The following NAALADL2 variants were observed in gnomAD, a reference collection of about 807,000 sequenced individuals.
NAALADL2 encodes N-acetylated alpha-linked acidic dipeptidase like 2.
A neutral mutation model predicts 87.2 loss-of-function variants in NAALADL2; 76 were observed. The ratio of observed to expected loss-of-function variants is 0.87; its 90% CI spans 0.72 to 1.05. NAALADL2 has a LOEUF of 1.05. Among genes scored for constraint, NAALADL2 ranks in the 50% least tolerant of loss-of-function variants. The probability of loss-of-function intolerance (pLI) is 0.00; values close to 1 mark genes in which losing one functional copy is unlikely to be tolerated. For missense variants in NAALADL2, 1,089 were observed against 945.8 expected (o/e 1.15, Z -1.99); for synonymous variants, 354 against 331.0 (o/e 1.07, Z -0.75).
chr3:175,572,738 A>T (rs1245383800), intron 9 of NAALADL2, among the ~76,000 whole-genome samples: 1 of 152,214 alleles, frequency 6.6e-6, no homozygotes, highest in African/African-American at 2.4e-5. Context: ...CTGAGGCTAA[A>T]CCAGAACTGT....
chr3:175,764,286 G>A (rs1194088896), intron 13 of NAALADL2, among the ~76,000 whole-genome samples: 1 of 151,966 alleles, frequency 6.6e-6, no homozygotes, highest in Non-Finnish European at 1.5e-5. Context: ...ACACTTATAT[G>A]ATTGTTTCTT....
chr3:175,114,332 A>G (rs920514830), intron 2 of NAALADL2, among the ~76,000 whole-genome samples: 2 of 151,630 alleles, frequency 1.3e-5, no homozygotes, highest in East Asian at 3.9e-4. Flanking sequence ...ACTCTAATAA[A>G]TCAAACCCAA....
At chr3:175,461,170 T>C (rs1723072655) in intron 6 of NAALADL2, among the ~76,000 whole-genome samples, 1 of 152,046 alleles carries the variant, frequency 6.6e-6, no homozygotes, top group Non-Finnish European at 1.5e-5. Flanking sequence ...GATTGGTGCG[T>C]TTTTCCAGAG....
intron 10 of NAALADL2, among the ~76,000 whole-genome samples, chr3:175,624,829 T>C (rs902175139): frequency 6.6e-6 from 1 of 152,010 alleles, no homozygotes; most frequent in African/African-American, 2.4e-5. Flanking sequence ...ATTTTTAAGA[T>C]TGGCATTATA....
intron 2 of NAALADL2, among the ~76,000 whole-genome samples, chr3:175,137,607 CTTTT>C (rs66682761): frequency 1.3e-4 from 17 of 134,410 alleles, no homozygotes; most frequent in Admixed American, 1.5e-4. Flanking sequence ...GAGATTGACC[CTTTT>C]TTTTTTTTTT....
chr3:174,896,570 AT>A (rs1387011660), intron 1 of NAALADL2, among the ~76,000 whole-genome samples: 5 of 152,182 alleles, frequency 3.3e-5, no homozygotes, highest in Non-Finnish European at 7.4e-5. Context: ...AAGAATCAAT[AT>A]TGTTAAAGTG....
At chr3:175,571,137 T>G (rs546844808) in intron 9 of NAALADL2, among the ~76,000 whole-genome samples, 1 of 152,310 alleles carries the variant, frequency 6.6e-6, no homozygotes, top group Non-Finnish European at 1.5e-5. Flanking sequence ...AATGCAAGTA[T>G]TGACTTAATT....
chr3:175,499,720 T>G (rs1729286068), intron 9 of NAALADL2, among the ~76,000 whole-genome samples: 3 of 152,120 alleles, frequency 2.0e-5, no homozygotes, highest in Non-Finnish European at 4.4e-5. Context: ...TTTTGCCAAT[T>G]TCATCAGTTA....
At chr3:175,526,035 A>G (rs1733368520) in intron 9 of NAALADL2, among the ~76,000 whole-genome samples, 4 of 152,186 alleles carry the variant, frequency 2.6e-5, no homozygotes. Context: ...ATGCCTGGAG[A>G]CTTTAAAAAG....
intron 3 of NAALADL2, among the ~76,000 whole-genome samples, chr3:174,842,835 C>T (rs1024512623): frequency 2.0e-5 from 3 of 151,974 alleles, no homozygotes; most frequent in Admixed American, 1.3e-4. Context: ...CATATAGCTC[C>T]TTGGCTTATT....
intron 4 of NAALADL2, among the ~76,000 whole-genome samples, chr3:175,277,493 T>C (rs1293525746): frequency 2.0e-5 from 3 of 152,182 alleles, no homozygotes; most frequent in Non-Finnish European, 2.9e-5. Context: ...GACCAATCTA[T>C]TAATGTAGTT....
chr3:175,033,625 T>A (rs1484861906), intron 1 of NAALADL2, among the ~76,000 whole-genome samples: 85 of 152,192 alleles, frequency 5.6e-4, no homozygotes, highest in Non-Finnish European at 2.9e-5. Context: ...ACACAGGTGG[T>A]CTCTCCTTTT....
chr3:175,403,977 C>T (rs1342742850), intron 5 of NAALADL2, among the ~76,000 whole-genome samples: 1 of 151,960 alleles, frequency 6.6e-6, no homozygotes, highest in Non-Finnish European at 1.5e-5. Context: ...GAGAAAAGAG[C>T]CTATAGTTTT....
At chr3:175,439,033 C>T (rs549654597) in intron 5 of NAALADL2, among the ~76,000 whole-genome samples, 10 of 152,168 alleles carry the variant, frequency 6.6e-5, no homozygotes, top group South Asian at 2.1e-4. Flanking sequence ...CCCCAAAGTC[C>T]GCTGTATGAT....
intron 9 of NAALADL2, among the ~76,000 whole-genome samples, chr3:175,542,027 T>C (rs1158847148): frequency 2.0e-5 from 3 of 152,118 alleles, no homozygotes; most frequent in Admixed American, 6.6e-5. Flanking sequence ...TATGTGCAAC[T>C]TTTAATCTTC....
chr3:175,314,693 T>A (rs1321557860), intron 4 of NAALADL2, among the ~76,000 whole-genome samples: 2 of 76,532 alleles, frequency 2.6e-5, no homozygotes, highest in African/African-American at 5.6e-5. Flanking sequence ...TATATATATA[T>A]ATATATATAT....
In NAALADL2 at chr3:175,402,439, G is replaced by T. The variant is rs1191008827; in HGVS notation, c.1091-44790G>T. ...TGCTTTTAGAGTGATCATTGCAAATGATTCAGTTCTTTCAATGGCTCCCTA... is the reference window on the plus strand; with the variant it reads ...TGCTTTTAGAGTGATCATTGCAAATTATTCAGTTCTTTCAATGGCTCCCTA... On this transcript the variant is annotated intron_variant, in intron 5 of 13. Coordinates refer to ENST00000454872, the MANE Select transcript of NAALADL2 (RefSeq NM_207015.3). 3.9e-5 allele frequency among the ~76,000 whole-genome samples: 6 copies of T among 152,096 alleles called. No individual in the cohort carries two copies. In the South Asian group the frequency reaches 1.0e-3, roughly 26 times the overall value.
chr3:175,277,603 TA>T (rs1174577696), intron 4 of NAALADL2, among the ~76,000 whole-genome samples: 1 of 152,178 alleles, frequency 6.6e-6, no homozygotes, highest in East Asian at 1.9e-4. Flanking sequence ...TTTCTTAACA[TA>T]AACCTTATTG....
At chr3:174,930,450 T>C (rs1279052841) in intron 1 of NAALADL2, among the ~76,000 whole-genome samples, 5 of 151,898 alleles carry the variant, frequency 3.3e-5, no homozygotes, top group African/African-American at 1.2e-4. Flanking sequence ...ACTTGAATAT[T>C]AATCAAAACT....
Sources: allele counts gnomAD v4.1 joint callset (sites outside exome capture counted in the v4.1 genomes callset), GRCh38; gene constraint gnomAD v4.1.1; transcripts MANE v1.5; gene names NCBI Gene and HGNC (gene_info 2026-07-23, HGNC 2026-07-21).